The following CEP63 variants were observed in gnomAD, a reference collection of about 807,000 sequenced individuals.
CEP63 encodes centrosomal protein of 63 kDa.
A neutral mutation model predicts 89.1 loss-of-function variants in CEP63; 84 were observed. That is an observed-to-expected ratio of 0.94 (90% CI 0.79 to 1.13). The LOEUF (loss-of-function observed/expected upper bound fraction) is 1.13. CEP63 is among the 50% of genes most tolerant of loss of function. The pLI, the probability that CEP63 is intolerant of heterozygous loss-of-function variation, is 0.00. For missense variants in CEP63, 838 were observed against 813.3 expected, an observed-to-expected ratio of 1.03 and a Z score of -0.37; for synonymous variants, 267 against 272.5, an observed-to-expected ratio of 0.98 and a Z score of 0.20.
chr3:134,584,378 T>C (rs1195964720), intron 10 of CEP63, among the ~76,000 whole-genome samples: 2 of 152,192 alleles, frequency 1.3e-5, no homozygotes, highest in Non-Finnish European at 2.9e-5. Flanking sequence ...TGAGAGTTTT[T>C]AGCATGAACT....
At chr3:134,579,359 A>C (rs1372645933), downstream of CEP63, among the ~76,000 whole-genome samples, 1 of 152,246 alleles carries the variant, frequency 6.6e-6, no homozygotes, top group Non-Finnish European at 1.5e-5. Context: ...TAAAAATACC[A>C]AGCTGTTTTC....
At chr3:134,647,546 T>C in the CEP63 span, 7 of 1,187,270 alleles carry the variant, frequency 5.9e-6, no homozygotes, top group Non-Finnish European at 8.7e-6. Flanking sequence ...GGCAAAAGAG[T>C]GATGTACCAG....
At chr3:134,766,545 G>A in the CEP63 span, among the ~76,000 whole-genome samples, 283 of 152,322 alleles carry the variant, frequency 1.9e-3, 3 homozygotes, top group East Asian at 0.031. Context: ...TACTATTCTT[G>A]TACTAGGAAT....
chr3:134,576,763 C>G (rs1403399705), downstream of CEP63, among the ~76,000 whole-genome samples: 2 of 152,132 alleles, frequency 1.3e-5, no homozygotes, highest in African/African-American at 4.8e-5. Context: ...GGCATCAGGG[C>G]AGGAAGTTGA....
the CEP63 span, among the ~76,000 whole-genome samples, chr3:134,759,774 TAAAAG>T: frequency 6.6e-6 from 1 of 152,322 alleles, no homozygotes; most frequent in Non-Finnish European, 1.5e-5. Flanking sequence ...ACTGTAATCT[TAAAAG>T]AAGAAGAAGA....
At chr3:134,520,742 AT>A (rs1367773403) in intron 3 of CEP63, among the ~76,000 whole-genome samples, 1 of 152,204 alleles carries the variant, frequency 6.6e-6, no homozygotes, top group Non-Finnish European at 1.5e-5. Context: ...ATATGTGAAC[AT>A]TTGATTCATG....
At chr3:134,647,427 G>T in the CEP63 span, 24 of 1,601,024 alleles carry the variant, frequency 1.5e-5, no homozygotes, top group Non-Finnish European at 2.0e-5. Flanking sequence ...AGGAAAAAGA[G>T]AATTTACCGT....
intron 5 of CEP63, 115 bp downstream of exon 5, chr3:134,533,015 C>A: frequency 9.4e-7 from 1 of 1,065,326 alleles, no homozygotes; most frequent in Non-Finnish European, 1.4e-6. Context: ...AGGACTGCCA[C>A]TAAGCTATTT....
chr3:134,772,759 T>C, the CEP63 span, among the ~76,000 whole-genome samples: 14 of 152,136 alleles, frequency 9.2e-5, no homozygotes, highest in Non-Finnish European at 2.1e-4. Flanking sequence ...AGGACAAGCC[T>C]GCAAGCTTTT....
the CEP63 span, among the ~76,000 whole-genome samples, chr3:134,713,033 A>G: frequency 2.6e-5 from 4 of 152,174 alleles, no homozygotes; most frequent in African/African-American, 9.7e-5. Flanking sequence ...CAGGGATTCC[A>G]TGTTGGTATC....
chr3:134,615,618 G>A, the CEP63 span, among the ~76,000 whole-genome samples: 1 of 150,748 alleles, frequency 6.6e-6, no homozygotes, highest in East Asian at 1.9e-4. Context: ...GTTTGCACCA[G>A]TGACATAACT....
At chr3:134,627,626 T>G in the CEP63 span, 1 of 750,144 alleles carries the variant, frequency 1.3e-6, no homozygotes, top group Non-Finnish European at 2.3e-6. Flanking sequence ...ACTCTTCCCC[T>G]CCTGAACCCA....
At chr3:134,580,439 A>G (rs1958318525) in intron 10 of CEP63, among the ~76,000 whole-genome samples, 1 of 133,322 alleles carries the variant, frequency 7.5e-6, no homozygotes, top group Non-Finnish European at 1.7e-5. Context: ...TTTATGATCT[A>G]AAATTTACAT....
chr3:134,485,913 G>A, upstream of CEP63: 1 of 887,524 alleles, frequency 1.1e-6, no homozygotes, highest in Non-Finnish European at 1.3e-6. Flanking sequence ...GCATTCCCGC[G>A]CCTCCAAAAC....
chr3:134,529,031 G>C (rs1033977075), intron 3 of CEP63, among the ~76,000 whole-genome samples: 5 of 152,068 alleles, frequency 3.3e-5, no homozygotes, highest in Non-Finnish European at 7.4e-5. Context: ...CAACTATGAA[G>C]CAAAACATAA....
At chr3:134,569,645 T>C (rs971922137), downstream of CEP63, among the ~76,000 whole-genome samples, 1 of 152,208 alleles carries the variant, frequency 6.6e-6, no homozygotes, top group African/African-American at 2.4e-5. Context: ...ATTGAGAGAC[T>C]GTGGCTTTTC....
At chr3:134,523,692 T>C (rs1948008615) in intron 3 of CEP63, among the ~76,000 whole-genome samples, 2 of 152,174 alleles carry the variant, frequency 1.3e-5, no homozygotes, top group African/African-American at 4.8e-5. Context: ...GAAGATCAGA[T>C]AGTTACAGGT....
chr3:134,559,613 A>G (rs866313068), intron 14 of CEP63, among the ~76,000 whole-genome samples, 184 bp downstream of exon 14: 1 of 152,164 alleles, frequency 6.6e-6, no homozygotes, highest in South Asian at 2.1e-4. Flanking sequence ...GGCCAAGACT[A>G]CTTTTCAAAA....
intron 1 of CEP63, among the ~76,000 whole-genome samples, chr3:134,488,608 C>T (rs1355486641): frequency 1.3e-5 from 2 of 151,294 alleles, no homozygotes; most frequent in African/African-American, 4.9e-5. Context: ...GACTCGGTCT[C>T]AAAAAACAAA....
Sources: gnomAD v4.1 joint callset for allele counts (sites outside exome capture counted in the v4.1 genomes callset) on GRCh38, gnomAD v4.1.1 for gene constraint, MANE v1.5 for transcripts, NCBI Gene and HGNC (gene_info 2026-07-23, HGNC 2026-07-21) for gene names.